NXPH1: variants seen among roughly 807,000 people sequenced by gnomAD.
NXPH1 encodes the protein neurexophilin 1, also known as neurexophilin-1.
NXPH1 carries 5 observed loss-of-function variants against 23.7 expected under a neutral mutation model. The observed-to-expected ratio is 0.21, with a 90% CI of 0.11 to 0.44. The LOEUF is 0.44. NXPH1 is among the 20% of genes least tolerant of loss of function. The probability of loss-of-function intolerance (pLI) is 0.99; values close to 1 mark genes in which losing one functional copy is unlikely to be tolerated. For missense variants in NXPH1, 324 were observed against 321.6 expected (o/e 1.01, Z -0.06); for synonymous variants, 144 against 122.2 (o/e 1.18, Z -1.18).
rs370865759 is a variant in NXPH1 at position 8,524,818 on chromosome 7, A to T, written c.54+89051A>T. ...ATGTAAGATGTGACTTTTGCCTCCA[A>T]CCATGATTCTAAGGCCTCCACAGCC... On this transcript the variant is annotated intron_variant, in intron 2 of 2. Transcript: ENST00000405863. Among the ~76,000 whole-genome samples, 9 of 152,250 alleles carry T rather than the reference A, an allele frequency of 5.9e-5. 1 individual carries two copies. Among genetic ancestry groups the T allele is most frequent in the African/African-American group, 2.2e-4 (9 of 41,564 alleles).
At chr7:8,708,613 C>T (rs1378784056) in intron 2 of NXPH1, among the ~76,000 whole-genome samples, 3 of 151,814 alleles carry the variant, frequency 2.0e-5, no homozygotes, top group Middle Eastern at 3.4e-3. Flanking sequence ...TTGCCTGCCT[C>T]GGCCTCCCAA....
chr7:8,604,976 T>C (rs1819450797), intron 2 of NXPH1, among the ~76,000 whole-genome samples: 1 of 152,132 alleles, frequency 6.6e-6, no homozygotes, highest in South Asian at 2.1e-4. Context: ...CCATTTTAGA[T>C]TGATTCTTAA....
At chr7:8,665,743 AT>A (rs1269654015) in intron 2 of NXPH1, among the ~76,000 whole-genome samples, 3 of 150,444 alleles carry the variant, frequency 2.0e-5, no homozygotes, top group Non-Finnish European at 3.0e-5. Context: ...TAGCTGAATT[AT>A]TTTAAAGTAT....
chr7:8,748,462 C>T (rs914090354), intron 2 of NXPH1, among the ~76,000 whole-genome samples: 32 of 152,162 alleles, frequency 2.1e-4, no homozygotes, highest in Admixed American at 2.1e-3. Flanking sequence ...AGGGTGTTTG[C>T]TTATTGTGGG....
intron 2 of NXPH1, among the ~76,000 whole-genome samples, chr7:8,439,994 A>G (rs1003519858): frequency 1.3e-5 from 2 of 152,240 alleles, no homozygotes; most frequent in Non-Finnish European, 2.9e-5. Flanking sequence ...GACAGTGGCT[A>G]TTAAGTGTTC....
intron 2 of NXPH1, among the ~76,000 whole-genome samples, chr7:8,658,113 T>C (rs995884790): frequency 2.0e-5 from 3 of 152,236 alleles, no homozygotes; most frequent in African/African-American, 7.2e-5. Context: ...AAAGTTAATT[T>C]CACTCTGCAT....
intron 2 of NXPH1, among the ~76,000 whole-genome samples, chr7:8,517,629 G>A (rs1325880998): frequency 6.6e-6 from 1 of 152,102 alleles, no homozygotes; most frequent in Non-Finnish European, 1.5e-5. Context: ...AGAACATACG[G>A]CACTGGATTA....
chr7:8,647,976 A>G (rs1036743412), intron 2 of NXPH1, among the ~76,000 whole-genome samples: 15 of 152,162 alleles, frequency 9.9e-5, no homozygotes, highest in African/African-American at 2.9e-4. Flanking sequence ...TACATGGCCT[A>G]TATGAAACTA....
chr7:8,626,230 G>T (rs6463826), intron 2 of NXPH1, among the ~76,000 whole-genome samples: 5,173 of 152,070 alleles, frequency 0.034, 261 homozygotes, highest in African/African-American at 0.11. Flanking sequence ...AGTGCTGGTA[G>T]TGACCTCATA....
chr7:8,505,037 A>T (rs139113291), intron 2 of NXPH1, among the ~76,000 whole-genome samples: 86 of 152,156 alleles, frequency 5.7e-4, no homozygotes, highest in African/African-American at 2.0e-3. Flanking sequence ...AGAGTAAGGG[A>T]CATTCACTAC....
intron 2 of NXPH1, among the ~76,000 whole-genome samples, chr7:8,646,941 T>G (rs1302995405): frequency 6.7e-6 from 1 of 148,510 alleles, no homozygotes; most frequent in Non-Finnish European, 1.5e-5. Flanking sequence ...CTGGGAGGGG[T>G]ACATGGAGAG....
intron 2 of NXPH1, among the ~76,000 whole-genome samples, chr7:8,711,180 C>T (rs1280416820): frequency 1.3e-5 from 2 of 152,110 alleles, no homozygotes; most frequent in East Asian, 3.9e-4. Flanking sequence ...ATTCTCAATA[C>T]ACCTGGAGAA....
chr7:8,534,279 C>T (rs1817993482), intron 2 of NXPH1, among the ~76,000 whole-genome samples: 1 of 152,102 alleles, frequency 6.6e-6, no homozygotes, highest in Non-Finnish European at 1.5e-5. Flanking sequence ...GAAAAAGTCT[C>T]TAGTACCCTT....
intron 2 of NXPH1, among the ~76,000 whole-genome samples, chr7:8,596,571 T>C (rs1435718895): frequency 6.6e-6 from 1 of 152,158 alleles, no homozygotes; most frequent in Non-Finnish European, 1.5e-5. Flanking sequence ...AAGATGGGTG[T>C]CATTTACCTT....
At chr7:8,685,253 T>G (rs997800792) in intron 2 of NXPH1, among the ~76,000 whole-genome samples, 6 of 152,018 alleles carry the variant, frequency 3.9e-5, no homozygotes, top group Non-Finnish European at 7.4e-5. Flanking sequence ...ATGAGTTTTT[T>G]TTTTTTTTTA....
chr7:8,530,230 A>C (rs1057392159), intron 2 of NXPH1, among the ~76,000 whole-genome samples: 8 of 152,196 alleles, frequency 5.3e-5, no homozygotes, highest in Admixed American at 1.3e-4. Flanking sequence ...TCAGAAAGAC[A>C]AACTGCCCTC....
intron 2 of NXPH1, among the ~76,000 whole-genome samples, chr7:8,665,079 T>TAA (rs35403300): frequency 1.4e-4 from 21 of 151,542 alleles, no homozygotes; most frequent in East Asian, 3.9e-4. Flanking sequence ...TGGGGTCATA[T>TAA]AAAAAAAATC....
chr7:8,642,961 T>C (rs1820341823), intron 2 of NXPH1, among the ~76,000 whole-genome samples: 1 of 151,934 alleles, frequency 6.6e-6, no homozygotes, highest in Admixed American at 6.6e-5. Context: ...ATCTCCTGGG[T>C]TCAAGCGATT....
intron 2 of NXPH1, among the ~76,000 whole-genome samples, chr7:8,592,918 T>C (rs185188058): frequency 6.6e-6 from 1 of 152,006 alleles, no homozygotes; most frequent in Admixed American, 6.6e-5. Context: ...TGGGCAGCAT[T>C]TGGCCCAGGG....
Sources: allele counts gnomAD v4.1 joint callset (sites outside exome capture counted in the v4.1 genomes callset), GRCh38; gene constraint gnomAD v4.1.1; transcripts MANE v1.5; gene names NCBI Gene and HGNC (gene_info 2026-07-23, HGNC 2026-07-21).